Variants in CATSPERT observed in about 807,000 individuals in gnomAD.
The protein encoded by CATSPERT is cation channel sperm-associated targeting subunit tau.
chr2:201,498,809 T>C, the CATSPERT span, among the ~76,000 whole-genome samples: 12 of 152,264 alleles, frequency 7.9e-5, no homozygotes, highest in African/African-American at 2.4e-4. Context: ...GCACTGTCTT[T>C]TCCCAGTCAC....
At chr2:201,604,143 GTA>G in the CATSPERT span, among the ~76,000 whole-genome samples, 29 of 119,766 alleles carry the variant, frequency 2.4e-4, no homozygotes, top group South Asian at 6.2e-4. Context: ...GTGTGTGTGT[GTA>G]TGTGTGTGTG....
chr2:201,559,143 G>A, the CATSPERT span, among the ~76,000 whole-genome samples: 6 of 152,142 alleles, frequency 3.9e-5, no homozygotes, highest in Admixed American at 6.5e-5. Flanking sequence ...AAACAGCCCC[G>A]TAGCACCCCT....
the CATSPERT span, among the ~76,000 whole-genome samples, chr2:201,601,282 G>A: frequency 7.2e-6 from 1 of 138,732 alleles, no homozygotes; most frequent in Admixed American, 7.2e-5. Context: ...TAGTGTGTGT[G>A]TGTGTGTGTG....
the CATSPERT span, among the ~76,000 whole-genome samples, chr2:201,588,905 G>C: frequency 1.3e-5 from 2 of 152,060 alleles, no homozygotes; most frequent in African/African-American, 4.8e-5. Flanking sequence ...AACAACTTCA[G>C]CAAAGTCCTA....
the CATSPERT span, chr2:201,556,906 CCTTT>C: frequency 6.6e-6 from 1 of 151,790 alleles, no homozygotes; most frequent in East Asian, 1.9e-4. Flanking sequence ...TTATTCTCTT[CCTTT>C]ATCACCATTT....
At chr2:201,517,263 C>A in the CATSPERT span, among the ~76,000 whole-genome samples, 1 of 152,192 alleles carries the variant, frequency 6.6e-6, no homozygotes, top group East Asian at 1.9e-4. Context: ...CACAACCCAG[C>A]CTCTGAACAG....
the CATSPERT span, chr2:201,536,276 C>T: frequency 1.9e-6 from 3 of 1,612,540 alleles, no homozygotes; most frequent in African/African-American, 4.0e-5. Context: ...CCGATTGGTT[C>T]AAAGTTGGTA....
the CATSPERT span, chr2:201,536,034 G>A: frequency 6.2e-7 from 1 of 1,613,014 alleles, no homozygotes; most frequent in African/African-American, 1.3e-5. Context: ...TGATAGAGAT[G>A]AGTCTGCTTT....
chr2:201,569,388 G>A, the CATSPERT span, among the ~76,000 whole-genome samples: 1 of 152,258 alleles, frequency 6.6e-6, no homozygotes, highest in African/African-American at 2.4e-5. Context: ...CACATGATCA[G>A]ACAGCCAACA....
At chr2:201,585,353 TG>T in the CATSPERT span, among the ~76,000 whole-genome samples, 2 of 149,832 alleles carry the variant, frequency 1.3e-5, no homozygotes, top group East Asian at 3.9e-4. Flanking sequence ...CTGCACGTTC[TG>T]CACATGTATC....
chr2:201,513,947 C>T, the CATSPERT span, among the ~76,000 whole-genome samples: 30 of 151,920 alleles, frequency 2.0e-4, no homozygotes, highest in Non-Finnish European at 3.8e-4. Flanking sequence ...TCTGAGTAAC[C>T]GATCCATCAA....
chr2:201,508,995 C>T, the CATSPERT span, among the ~76,000 whole-genome samples: 1 of 142,992 alleles, frequency 7.0e-6, no homozygotes, highest in African/African-American at 3.0e-5. Flanking sequence ...AGATATATAC[C>T]CAGAAATAGG....
At chr2:201,593,083 A>AT in the CATSPERT span, among the ~76,000 whole-genome samples, 286 of 151,756 alleles carry the variant, frequency 1.9e-3, 3 homozygotes, top group African/African-American at 6.7e-3. Context: ...TAGGGTGTCA[A>AT]TTTTAGATCT....
At chr2:201,566,206 C>CT in the CATSPERT span, among the ~76,000 whole-genome samples, 65 of 146,172 alleles carry the variant, frequency 4.4e-4, no homozygotes, top group Admixed American at 1.1e-3. Flanking sequence ...TTTTAAATTT[C>CT]TTTTTTTTTT....
At chr2:201,551,488 C>A in the CATSPERT span, among the ~76,000 whole-genome samples, 1 of 152,078 alleles carries the variant, frequency 6.6e-6, no homozygotes, top group African/African-American at 2.4e-5. Flanking sequence ...GAGAGAAATG[C>A]AAACAAATGT....
chr2:201,582,882 T>C, the CATSPERT span, among the ~76,000 whole-genome samples: 1 of 152,146 alleles, frequency 6.6e-6, no homozygotes, highest in Non-Finnish European at 1.5e-5. Flanking sequence ...AGAGCCGATA[T>C]CAGCCTTCTT....
chr2:201,585,387 A>T, the CATSPERT span, among the ~76,000 whole-genome samples: 1 of 148,540 alleles, frequency 6.7e-6, no homozygotes, highest in South Asian at 2.2e-4. Flanking sequence ...GTATTAAAAA[A>T]AAAATTCCCT....
chr2:201,574,570 C>G, the CATSPERT span, among the ~76,000 whole-genome samples: 1 of 152,054 alleles, frequency 6.6e-6, no homozygotes, highest in South Asian at 2.1e-4. Flanking sequence ...CATATATACA[C>G]GTGATTCAAA....
the CATSPERT span, among the ~76,000 whole-genome samples, chr2:201,516,418 A>G: frequency 1.3e-5 from 2 of 152,142 alleles, no homozygotes; most frequent in African/African-American, 2.4e-5. Context: ...GCAGCAGGAG[A>G]GAGTGGGTGA....
Sources: gnomAD v4.1 joint callset for allele counts (sites outside exome capture counted in the v4.1 genomes callset) on GRCh38, gnomAD v4.1.1 for gene constraint, MANE v1.5 for transcripts, NCBI Gene and HGNC (gene_info 2026-07-23, HGNC 2026-07-21) for gene names.